Variants in PCBP3 observed in about 807,000 individuals in gnomAD.
PCBP3 encodes poly(rC) binding protein 3.
In PCBP3, 25 loss-of-function variants were observed where a neutral mutation model predicts 52.7. The ratio of observed to expected loss-of-function variants is 0.47; its 90% CI spans 0.35 to 0.66. PCBP3 has a LOEUF of 0.66. Ranked by LOEUF, PCBP3 falls within the 30% of genes least tolerant of loss-of-function variation. The pLI is 0.01. For missense variants in PCBP3, 391 were observed against 490.3 expected, an observed-to-expected ratio of 0.80 and a Z score of 1.91; for synonymous variants, 162 against 183.0, an observed-to-expected ratio of 0.89 and a Z score of 0.93.
chr21:45,665,267 G>A (rs146021337), intron 1 of PCBP3, among the ~76,000 whole-genome samples: 1 of 152,056 alleles, frequency 6.6e-6, no homozygotes, highest in Non-Finnish European at 1.5e-5. Flanking sequence ...AATTAGACAG[G>A]CATGGTGGTA....
intron 4 of PCBP3, among the ~76,000 whole-genome samples, chr21:45,795,315 CTT>C (rs34237544): frequency 6.2e-5 from 9 of 145,492 alleles, no homozygotes; most frequent in Admixed American, 5.4e-4. Context: ...TCTTCTTTTT[CTT>C]TTTTTTTTTT....
intron 4 of PCBP3, chr21:45,762,321 G>GGA (rs151176049): frequency 0.028 from 4,156 of 149,618 alleles, 195 homozygotes; most frequent in African/African-American, 0.096. Flanking sequence ...GCAGGCGATT[G>GGA]GAGAGAGAGA....
intron 1 of PCBP3, among the ~76,000 whole-genome samples, chr21:45,666,368 A>G (rs2080794762): frequency 6.7e-6 from 1 of 149,330 alleles, no homozygotes; most frequent in South Asian, 2.1e-4. Flanking sequence ...TTTTAAATCA[A>G]GTAGGAGGAA....
At chr21:45,793,609 C>A (rs973837015) in intron 4 of PCBP3, among the ~76,000 whole-genome samples, 1 of 152,148 alleles carries the variant, frequency 6.6e-6, no homozygotes, top group Non-Finnish European at 1.5e-5. Context: ...GAAAACATGG[C>A]TGCCAGGACC....
intron 4 of PCBP3, among the ~76,000 whole-genome samples, chr21:45,804,119 G>A (rs1603435075): frequency 6.6e-6 from 1 of 152,112 alleles, no homozygotes. Context: ...CTGCTGCCGC[G>A]CCTCCCTCTC....
rs1054448230 is a variant in PCBP3 at position 45,704,165 on chromosome 21, C to T, written c.-199-31227C>T. 6.6e-6 allele frequency among the ~76,000 whole-genome samples: 1 copy of T among 152,160 alleles called. No individual in the cohort carries two copies. Among genetic ancestry groups the T allele is most frequent in the Non-Finnish European group, 1.5e-5 (1 of 68,038 alleles). ...GCTGGAGGAAAGCCAAGGGGCACTG[C>T]CCAGCCGCTGAGTGGGTGGTGGTGA... On this transcript the variant is annotated intron_variant, in intron 2 of 17. Transcript: ENST00000681687. The surrounding 1 kb of genome is among the most constrained non-coding windows in gnomAD (Gnocchi z 4.1).
chr21:45,901,195 A>G, intron 9 of PCBP3, 82 bp downstream of exon 9: 1 of 961,834 alleles, frequency 1.0e-6, no homozygotes, highest in Non-Finnish European at 1.7e-6. Context: ...TCTCCCCTAC[A>G]CCTGGACTAG....
At chr21:45,825,342 C>T (rs2093278127) in intron 4 of PCBP3, among the ~76,000 whole-genome samples, 1 of 152,148 alleles carries the variant, frequency 6.6e-6, no homozygotes, top group Non-Finnish European at 1.5e-5. Context: ...GGAGCCTGGC[C>T]CTCCTCCCTG....
chr21:45,772,124 A>G (rs997006737), intron 4 of PCBP3, among the ~76,000 whole-genome samples: 3 of 152,182 alleles, frequency 2.0e-5, no homozygotes, highest in African/African-American at 7.2e-5. Context: ...TGTTAAATAC[A>G]TTCACCCTAC....
chr21:45,864,303 C>T (rs1198062118), intron 5 of PCBP3, among the ~76,000 whole-genome samples: 2 of 152,156 alleles, frequency 1.3e-5, no homozygotes, highest in Admixed American at 1.3e-4. Context: ...GAGGCGGGGT[C>T]ATGGGTGCTG....
chr21:45,840,258 G>C (rs574387005), intron 4 of PCBP3, among the ~76,000 whole-genome samples: 86 of 151,432 alleles, frequency 5.7e-4, no homozygotes, highest in Non-Finnish European at 8.0e-4. Flanking sequence ...CAAGACCATC[G>C]TGGCTAACAT....
intron 2 of PCBP3, chr21:45,673,778 A>G (rs2081309531): frequency 6.6e-6 from 1 of 152,214 alleles, no homozygotes; most frequent in Non-Finnish European, 1.5e-5. Context: ...CTCCGAGGCC[A>G]TGTGTTTCTA....
rs115871262 is a variant in PCBP3, at chr21:45,886,040, G to C, written c.11-10168G>C. On this transcript the variant is annotated intron_variant, in intron 5 of 17. Coordinates refer to ENST00000681687, the MANE Select transcript of PCBP3 (RefSeq NM_001384156.1). ...TTCTCCAGCAGGGGAAACAAGAAGT[G>C]AAAGTCCAGGCTTTCCACTCGGCCT... 6.8e-3 allele frequency among the ~76,000 whole-genome samples: 1,040 copies of C among 152,396 alleles called. 12 individuals are homozygous for C. Among genetic ancestry groups the C allele is most frequent in the African/African-American group, 0.024 (978 of 41,594 alleles).
chr21:45,902,830 C>A (rs535143233), intron 9 of PCBP3, among the ~76,000 whole-genome samples: 12 of 152,240 alleles, frequency 7.9e-5, no homozygotes, highest in Middle Eastern at 6.3e-3. Context: ...AATCACCCAC[C>A]GCTGCTTGTG....
At chr21:45,705,534 C>G (rs983400216) in intron 2 of PCBP3, among the ~76,000 whole-genome samples, 4 of 152,212 alleles carry the variant, frequency 2.6e-5, no homozygotes, top group Non-Finnish European at 5.9e-5. Flanking sequence ...GCGTGCACTT[C>G]TACCTGGCTT....
At chr21:45,941,075 C>T (rs1569514355) in intron 17 of PCBP3, among the ~76,000 whole-genome samples, 1 of 152,200 alleles carries the variant, frequency 6.6e-6, no homozygotes, top group South Asian at 2.1e-4. Context: ...GACGAGGACA[C>T]CCCCCGACTT....
chr21:45,768,358 T>C (rs1417666762), intron 4 of PCBP3, among the ~76,000 whole-genome samples: 2 of 152,240 alleles, frequency 1.3e-5, no homozygotes, highest in Non-Finnish European at 2.9e-5. Flanking sequence ...TACTTGGCTG[T>C]GGTTTTGCTT....
At chr21:45,847,009 A>G (rs1485740437) in intron 4 of PCBP3, among the ~76,000 whole-genome samples, 1 of 152,190 alleles carries the variant, frequency 6.6e-6, no homozygotes. Flanking sequence ...TCCAGTCCCA[A>G]CTGCCACATA....
At position 45,880,500 on chromosome 21, in the gene PCBP3, C is replaced by G. The variant is rs764482107; in HGVS notation, c.11-15708C>G. On this transcript the variant is annotated intron_variant, in intron 5 of 17. Transcript: ENST00000681687. The surrounding 1 kb of genome is among the most constrained non-coding windows in gnomAD (Gnocchi z 5.4). The stretch of plus-strand genomic sequence containing the variant: ...TTCTGAGTATTGAGTTTAGAAATCG[C>G]TGAATTTCAGAACGTTCCACGAGGC... Among the ~76,000 whole-genome samples, 1 of 152,218 alleles carries G rather than the reference C, an allele frequency of 6.6e-6. No individual in the cohort carries two copies. Among genetic ancestry groups the G allele is most frequent in the Non-Finnish European group, 1.5e-5 (1 of 68,046 alleles).
Sources: allele counts gnomAD v4.1 joint callset (sites outside exome capture counted in the v4.1 genomes callset), GRCh38; gene constraint gnomAD v4.1.1; non-coding constraint Gnocchi (gnomAD v3.1); transcripts MANE v1.5; gene names NCBI Gene and HGNC (gene_info 2026-07-23, HGNC 2026-07-21).